FGGY: variants seen among roughly 807,000 people sequenced by gnomAD.
The protein encoded by FGGY is FGGY carbohydrate kinase domain-containing protein.
Under a neutral mutation model 71.3 loss-of-function variants are expected in FGGY, and 72 were observed. That is an observed-to-expected ratio of 1.01 (90% confidence interval 0.84 to 1.23). FGGY has a LOEUF of 1.23. Among genes scored for constraint, FGGY ranks in the 50% most tolerant of loss-of-function variants. FGGY has a pLI of 0.00. For missense variants in FGGY, 668 were observed against 682.3 expected (o/e 0.98, Z 0.23); for synonymous variants, 251 against 250.3 (o/e 1.00, Z -0.02).
At chr1:59,457,198 CT>C in intron 6 of FGGY, 122 bp downstream of exon 6, 4 of 703,538 alleles carry the variant, frequency 5.7e-6, no homozygotes, top group Non-Finnish European at 9.8e-6. Flanking sequence ...ATGAAGTTCA[CT>C]TTTTCCAAGA....
intron 8 of FGGY, among the ~76,000 whole-genome samples, chr1:59,570,863 G>A (rs2095973675): frequency 6.6e-6 from 1 of 152,186 alleles, no homozygotes; most frequent in South Asian, 2.1e-4. Flanking sequence ...GTTCTGATCA[G>A]GTCTTGGAGT....
At chr1:59,500,812 C>T (rs1344467502) in intron 6 of FGGY, among the ~76,000 whole-genome samples, 2 of 151,942 alleles carry the variant, frequency 1.3e-5, no homozygotes, top group African/African-American at 4.8e-5. Context: ...TGTAATTTAG[C>T]GTTCGTTGAG....
intron 7 of FGGY, among the ~76,000 whole-genome samples, chr1:59,526,445 A>G (rs1413258385): frequency 6.6e-6 from 1 of 152,226 alleles, no homozygotes; most frequent in Non-Finnish European, 1.5e-5. Flanking sequence ...CAGGATGAAG[A>G]TGACCCAGTC....
intron 8 of FGGY, among the ~76,000 whole-genome samples, chr1:59,588,463 G>A (rs1364170235): frequency 9.9e-5 from 15 of 152,092 alleles, no homozygotes; most frequent in South Asian, 8.3e-4. Context: ...GATACTCCTC[G>A]AGAAGAGCAA....
chr1:59,485,847 T>C (rs764153258), intron 6 of FGGY, among the ~76,000 whole-genome samples: 49 of 152,156 alleles, frequency 3.2e-4, no homozygotes, highest in Non-Finnish European at 6.5e-4. Flanking sequence ...ACAGAGAGGT[T>C]AAATAACTTG....
rs35698016 is a variant in FGGY at position 59,337,048 on chromosome 1, C to CATATATATAT, written c.202-2899_202-2890dup. Among the ~76,000 whole-genome samples the CATATATATAT allele has an allele frequency of 1.3e-3, 180 of 141,906 alleles. 1 individual carries two copies. Among genetic ancestry groups the CATATATATAT allele is most frequent in the African/African-American group, 4.6e-3 (174 of 37,886 alleles). The allele number at this position is 141,906 out of a possible 152,430, so 93.1% of individuals were successfully genotyped here. ...ATATATATATTTATATGTATATAGT[C>CATATATATAT]ATATATATATATATATATATGAAAG... On this transcript the variant is annotated intron_variant, in intron 2 of 15. Transcript: ENST00000303721.
chr1:59,689,127 A>T (rs569264913), intron 14 of FGGY, among the ~76,000 whole-genome samples: 10 of 152,286 alleles, frequency 6.6e-5, no homozygotes, highest in Admixed American at 5.2e-4. Context: ...TTAGAGAAGT[A>T]TATATAAAGT....
chr1:59,611,909 A>G (rs561726148), intron 9 of FGGY, among the ~76,000 whole-genome samples: 2 of 152,364 alleles, frequency 1.3e-5, no homozygotes, highest in African/African-American at 4.8e-5. Context: ...GTGATGGAAG[A>G]TCAAATGAAT....
At chr1:59,581,912 T>G (rs1421518641) in intron 8 of FGGY, among the ~76,000 whole-genome samples, 2 of 149,960 alleles carry the variant, frequency 1.3e-5, no homozygotes, top group South Asian at 4.2e-4. Context: ...ATCAACTCTG[T>G]AATAACATGA....
chr1:59,470,386 A>G (rs758041445), intron 6 of FGGY, among the ~76,000 whole-genome samples: 1 of 152,110 alleles, frequency 6.6e-6, no homozygotes, highest in Admixed American at 6.6e-5. Context: ...TCATATCAAT[A>G]TGACTTCTGA....
intron 4 of FGGY, among the ~76,000 whole-genome samples, chr1:59,374,948 G>A (rs1000346642): frequency 6.6e-6 from 1 of 150,624 alleles, no homozygotes; most frequent in African/African-American, 2.4e-5. Context: ...ATAGCATTGT[G>A]AGATATACCT....
At chr1:59,337,519 C>T (rs1478362428) in intron 2 of FGGY, among the ~76,000 whole-genome samples, 4 of 152,114 alleles carry the variant, frequency 2.6e-5, no homozygotes, top group Admixed American at 2.6e-4. Context: ...ACAGACACAC[C>T]CAGAAACAGT....
intron 6 of FGGY, among the ~76,000 whole-genome samples, chr1:59,463,683 G>GAA (rs147453923): frequency 1.4e-4 from 18 of 131,976 alleles, no homozygotes; most frequent in African/African-American, 4.1e-4. Flanking sequence ...CAAGCAAATG[G>GAA]AAAAAAAAAA....
chr1:59,336,003 G>A (rs1475610464), intron 2 of FGGY, among the ~76,000 whole-genome samples: 1 of 151,974 alleles, frequency 6.6e-6, no homozygotes, highest in Non-Finnish European at 1.5e-5. Flanking sequence ...TTTAAATTTT[G>A]ATGAAGTCAA....
intron 1 of FGGY, among the ~76,000 whole-genome samples, chr1:59,317,921 T>C (rs902474253): frequency 1.3e-5 from 2 of 152,284 alleles, no homozygotes; most frequent in Admixed American, 1.3e-4. Flanking sequence ...CACCTGGTGT[T>C]GTGGAAGGGT....
At position 59,571,865 on chromosome 1, in the gene FGGY, T is replaced by A. The variant is rs114017406; in HGVS notation, c.903+17638T>A. Among the ~76,000 whole-genome samples the A allele has an allele frequency of 3.1e-3, 475 of 152,256 alleles. 2 individuals carry two copies. Among genetic ancestry groups the A allele is most frequent in the African/African-American group, 0.011 (452 of 41,558 alleles). On this transcript the variant is annotated intron_variant, in intron 8 of 15. Coordinates refer to ENST00000303721, the MANE Select transcript of FGGY (RefSeq NM_018291.5). ...AAGAGATACATACAGAATTATTTCA[T>A]TCATAGAAAATTCAAAAAGAAGCAA...
chr1:59,698,417 A>G (rs1359031208), intron 14 of FGGY, among the ~76,000 whole-genome samples: 1 of 151,730 alleles, frequency 6.6e-6, no homozygotes, highest in Admixed American at 6.6e-5. Context: ...GAAAAACTAC[A>G]GATGCTTCTT....
At chr1:59,506,290 C>G (rs1284763012) in intron 6 of FGGY, among the ~76,000 whole-genome samples, 1 of 151,892 alleles carries the variant, frequency 6.6e-6, no homozygotes, top group Non-Finnish European at 1.5e-5. Flanking sequence ...TGACAAAATT[C>G]TAGGGTTTTT....
At chr1:59,365,323 C>A (rs1006105145) in intron 4 of FGGY, among the ~76,000 whole-genome samples, 1 of 152,132 alleles carries the variant, frequency 6.6e-6, no homozygotes, top group African/African-American at 2.4e-5. Context: ...GTGAGAAGGT[C>A]CCGGAGAGTG....
Sources: gnomAD v4.1 joint callset for allele counts (sites outside exome capture counted in the v4.1 genomes callset) on GRCh38, gnomAD v4.1.1 for gene constraint, MANE v1.5 for transcripts, NCBI Gene and HGNC (gene_info 2026-07-23, HGNC 2026-07-21) for gene names.